Variants in GREB1 observed in about 807,000 individuals in gnomAD.
GREB1 encodes growth regulating estrogen receptor binding 1.
In GREB1, 106 loss-of-function variants were observed where a neutral mutation model predicts 200.7. The observed-to-expected ratio is 0.53, with a 90% confidence interval of 0.45 to 0.62. GREB1 has a LOEUF of 0.62. Among genes scored for constraint, GREB1 ranks in the 20% least tolerant of loss-of-function variants. The pLI is 0.00. For synonymous variants in GREB1, 1,132 were observed against 1,092.4 expected (o/e 1.04, Z -0.72); for missense variants, 2,243 against 2,556.8 (o/e 0.88, Z 2.65).
rs1427054187 is a variant in GREB1 at position 11,548,036 on chromosome 2, G to A, written c.-161-8418G>A. 6.6e-6 allele frequency among the ~76,000 whole-genome samples: 1 copy of A among 151,998 alleles called. No homozygotes were observed. ...TGTCCTTACCAAAAAAAGCTATCTG[G>A]GCATGGTGGCATGTTCCTATAGTCC... On this transcript the variant is annotated intron_variant, in intron 1 of 32. Transcript: ENST00000381486. This position sits in a 1 kb window ranked among gnomAD's most constrained non-coding sequence, Gnocchi z 5.1.
chr2:11,566,665 T>G lies in GREB1; in HGVS notation c.454+9T>G, dbSNP rs761354123. On this transcript the variant is annotated intron_variant, in intron 4 of 32. Transcript: ENST00000381486. ...CCACAATGCTCTTCTTGGTAAGTAC[T>G]GCTTTGTCATCCTCTGTGGCTCCTT... is the stretch of plus-strand genomic sequence containing the variant. 6.2e-7 allele frequency: 1 copy of G among 1,603,366 alleles called. No homozygotes were observed. Among genetic ancestry groups the G allele is most frequent in the East Asian group, 2.2e-5 (1 of 44,648 alleles).
At chr2:11,566,064 G>A (rs1318317952) in intron 3 of GREB1, among the ~76,000 whole-genome samples, 2 of 151,496 alleles carry the variant, frequency 1.3e-5, no homozygotes, top group African/African-American at 4.9e-5. Context: ...TGTCACTTAG[G>A]CTGGAGTGCA....
At chr2:11,569,879 G>A (rs961148883) in intron 4 of GREB1, among the ~76,000 whole-genome samples, 7 of 152,124 alleles carry the variant, frequency 4.6e-5, no homozygotes, top group South Asian at 2.1e-4. Flanking sequence ...GGTGGAGAGC[G>A]TGGCGGGGTG....
chr2:11,566,088 A>G (rs1183235575), intron 3 of GREB1, among the ~76,000 whole-genome samples: 2 of 152,038 alleles, frequency 1.3e-5, no homozygotes, highest in East Asian at 1.9e-4. Context: ...GCACAATCTC[A>G]GCTCACTGCA....
chr2:11,539,577 C>T (rs912504499), intron 1 of GREB1, among the ~76,000 whole-genome samples: 9 of 152,182 alleles, frequency 5.9e-5, no homozygotes, highest in African/African-American at 1.9e-4. Context: ...CTTTGCACAG[C>T]GTACTGTGGC....
intron 1 of GREB1, among the ~76,000 whole-genome samples, chr2:11,515,365 G>T (rs1161413476): frequency 6.6e-6 from 1 of 152,252 alleles, no homozygotes; most frequent in Non-Finnish European, 1.5e-5. Flanking sequence ...AGGAAAGAAT[G>T]AATTAATGAA....
intron 17 of GREB1, among the ~76,000 whole-genome samples, chr2:11,604,820 T>C (rs970776077): frequency 2.0e-5 from 3 of 152,174 alleles, no homozygotes; most frequent in Non-Finnish European, 4.4e-5. Flanking sequence ...AGATAAAGGT[T>C]AGAACATGGG....
intron 17 of GREB1, among the ~76,000 whole-genome samples, chr2:11,609,164 A>C (rs1317573501): frequency 6.6e-6 from 1 of 152,208 alleles, no homozygotes; most frequent in African/African-American, 2.4e-5. Context: ...CCATCTTGTC[A>C]GAAGCAGAAA....
At position 11,587,605 on chromosome 2, in the gene GREB1, C is replaced by T. The variant is rs1049015224; in HGVS notation, c.1160-1141C>T. The stretch of plus-strand genomic sequence containing the variant: ...TGCCCCAGGCACCAGCTTTACTCCC[C>T]GAGCCCAGCAGGACATCTGCATATA... On this transcript the variant is annotated intron_variant, in intron 9 of 32. Transcript: ENST00000381486. 41 of 1,459,092 alleles carry T rather than the reference C, an allele frequency of 2.8e-5. No individual in the cohort carries two copies. In the African/African-American group the frequency reaches 3.7e-4, roughly 13 times the overall value. The allele number at this position is 1,459,092 out of a possible 1,614,324, so 90.4% of individuals were successfully genotyped here.
Position 11,634,317 on chromosome 2 carries a change from C to A in GREB1, c.5178C>A (p.Asp1726Glu). Residue 1726 changes from aspartate (D) to glutamate (E), a missense_variant, in exon 29 of 33, where the codon GAC (aspartate) becomes GAA (glutamate). Physicochemically the swap from Asp to Glu is conservative, Grantham distance 45 (BLOSUM62 2). Around this residue, in one of 3 missense-constraint regions of GREB1, gnomAD observed 478 missense variants for 616.3 expected, o/e 0.78. Transcript: ENST00000381486. ...ACAACTTCATCATCCTGAACGTGGACCTGACCCAGAACGTGCAGTACAACC... is the reference window on the plus strand; with the variant it reads ...ACAACTTCATCATCCTGAACGTGGAACTGACCCAGAACGTGCAGTACAACC... ...HVHNFIILNV[D>E]LTQNVQYNQN... is the part of the protein sequence containing the mutation. 3 of 1,614,052 alleles carry A rather than the reference C, an allele frequency of 1.9e-6. No individual in the cohort carries two copies. The highest frequency in any genetic ancestry group is 2.5e-6 in the Non-Finnish European group (3 of 1,179,966).
rs774975249 is a variant in GREB1, at chr2:11,620,854, C to T, written c.4045-51C>T. 9.4e-6 allele frequency: 10 copies of T among 1,063,990 alleles called. No homozygotes were observed. In the East Asian group the frequency reaches 1.7e-4, roughly 18 times the overall value. 65.9% of individuals were successfully genotyped at this position (1,063,990 alleles called of 1,614,324 possible). ...TGCCAGGTGTTCAGCCGGTGCCTGG[C>T]ACGCGGATGGGGCTTCCTCACTGGG... On this transcript the variant is annotated intron_variant, in intron 22 of 32. Transcript: ENST00000381486.
chr2:11,485,627 G>A (rs549853283), intron 1 of GREB1, among the ~76,000 whole-genome samples: 21 of 152,298 alleles, frequency 1.4e-4, no homozygotes, highest in Admixed American at 4.6e-4. Context: ...CAATAGGAGA[G>A]ATTTTGATCT....
chr2:11,586,629 G>A (rs1253820994), intron 9 of GREB1, among the ~76,000 whole-genome samples: 1 of 152,178 alleles, frequency 6.6e-6, no homozygotes, highest in Admixed American at 6.5e-5. Flanking sequence ...CACCGTGCAC[G>A]CAGGCCCCTC....
In GREB1 at chr2:11,592,902, G is replaced by GCGCCGCGGCACCCGTGAC; in HGVS notation, c.1474_1491dup (p.Ala492_Thr497dup). ...CCGCAGCCCTTCCCGCCCGCGCCCA[G>GCGCCGCGGCACCCGTGAC]CGCCGCGGCACCCGTGACCTCCGCG... On this transcript the variant is annotated inframe_insertion, in exon 11 of 33. Transcript: ENST00000381486. The GCGCCGCGGCACCCGTGAC allele has an allele frequency of 6.3e-7, 1 of 1,592,484 alleles. No homozygotes were observed. The highest frequency in any genetic ancestry group is 1.1e-5 in the South Asian group (1 of 88,452).
rs150373213 is a variant in GREB1 at position 11,634,980 on chromosome 2, C to T, written c.5211-290C>T. Among the ~76,000 whole-genome samples, 13 of 152,360 alleles carry T rather than the reference C, an allele frequency of 8.5e-5. No individual in the cohort carries two copies. The South Asian group carries it at 1.0e-3, about 12-fold the overall frequency. On this transcript the variant is annotated intron_variant, in intron 29 of 32. Transcript: ENST00000381486. ...GAGGTCGTGTTGGTAACGTTTCTCACGTGCACTTGGCCCTTGGCCTCTGGT... is the reference window on the plus strand; with the variant it reads ...GAGGTCGTGTTGGTAACGTTTCTCATGTGCACTTGGCCCTTGGCCTCTGGT...
chr2:11,511,678 G>T (rs763601541), intron 1 of GREB1, among the ~76,000 whole-genome samples: 5 of 152,262 alleles, frequency 3.3e-5, no homozygotes, highest in African/African-American at 9.6e-5. Context: ...CCAGGAACTC[G>T]CCTGCTGCTG....
intron 7 of GREB1, among the ~76,000 whole-genome samples, chr2:11,582,219 G>A (rs2148084009): frequency 6.6e-6 from 1 of 152,328 alleles, no homozygotes; most frequent in South Asian, 2.1e-4. Flanking sequence ...CCTTCAGCCC[G>A]GGAACCTGGG....
rs141720827 is a variant in GREB1 at position 11,590,216 on chromosome 2, G to A, written c.1345+1285G>A. Among the ~76,000 whole-genome samples, 1,424 of 152,162 alleles carry A rather than the reference G, an allele frequency of 9.4e-3. 21 individuals carry two copies. Among genetic ancestry groups the A allele is most frequent in the African/African-American group, 0.033 (1,353 of 41,508 alleles). ...TCCCCACCTGTCCATCAGTAAGCAC[G>A]GCTTCATCCTGAATCCAGCCTCGCT... is the stretch of plus-strand genomic sequence containing the variant. On this transcript the variant is annotated intron_variant, in intron 10 of 32. Transcript: ENST00000381486.
At chr2:11,545,066 C>T (rs965175403) in intron 1 of GREB1, among the ~76,000 whole-genome samples, 1 of 151,926 alleles carries the variant, frequency 6.6e-6, no homozygotes, top group Non-Finnish European at 1.5e-5. Context: ...CCACTCGCCT[C>T]GGCCTCACAA....
Sources: gnomAD v4.1 joint callset for allele counts (sites outside exome capture counted in the v4.1 genomes callset) on GRCh38, gnomAD v4.1.1 for gene constraint, gnomAD v4.1.1 regional missense constraint, Gnocchi (gnomAD v3.1) non-coding constraint, MANE v1.5 for transcripts, NCBI Gene and HGNC (gene_info 2026-07-23, HGNC 2026-07-21) for gene names.